MYO7A: variants seen among roughly 807,000 people sequenced by gnomAD.
MYO7A encodes the protein myosin VIIA.
In MYO7A, 210 loss-of-function variants were observed where a neutral mutation model predicts 263.8. The ratio of observed to expected loss-of-function variants is 0.80; its 90% CI spans 0.71 to 0.89. The LOEUF is 0.89. Among genes scored for constraint, MYO7A ranks in the 40% least tolerant of loss-of-function variants. MYO7A has a pLI of 0.00. For synonymous variants in MYO7A, 1,239 were observed against 1,197.3 expected, an observed-to-expected ratio of 1.03 and a Z score of -0.72; for missense variants, 2,820 against 2,968.3, an observed-to-expected ratio of 0.95 and a Z score of 1.16.
In MYO7A at chr11:77,189,616, C is replaced by T. The variant is rs559065101; in HGVS notation, c.3630+146C>T. 30 of 1,232,816 alleles carry T rather than the reference C, an allele frequency of 2.4e-5. 1 individual carries two copies. In the South Asian group the frequency reaches 4.2e-4, roughly 17 times the overall value. The allele number at this position is 1,232,816 out of a possible 1,614,324, so 76.4% of individuals were successfully genotyped here. A position where few individuals can be genotyped will look rare whatever the true frequency, so the allele number is the denominator to read the frequency against. ...TTACTGAGCCCCATCTTCCTGGCAC[C>T]CCCTCCTCTCAGGCAGCCACCTCTT... On this transcript the variant is annotated intron_variant, in intron 28 of 48. Coordinates refer to ENST00000409709, the MANE Select transcript of MYO7A (RefSeq NM_000260.4).
intron 3 of MYO7A, among the ~76,000 whole-genome samples, chr11:77,144,085 TG>T (rs1555052383): frequency 6.6e-6 from 1 of 152,174 alleles, no homozygotes; most frequent in African/African-American, 2.4e-5. Flanking sequence ...GTGATGGTGC[TG>T]GGATTAGAAC....
chr11:77,137,641 A>G (rs1950957249), intron 2 of MYO7A, among the ~76,000 whole-genome samples: 1 of 152,146 alleles, frequency 6.6e-6, no homozygotes, highest in African/African-American at 2.4e-5. Flanking sequence ...TGTGGCTGCT[A>G]GGACACAGGA....
intron 4 of MYO7A, among the ~76,000 whole-genome samples, chr11:77,151,759 G>T (rs1555057301): frequency 6.6e-6 from 1 of 152,246 alleles, no homozygotes; most frequent in African/African-American, 2.4e-5. Flanking sequence ...CTAAGACCTT[G>T]GAGGACCGAT....
chr11:77,208,080 G>C (rs960492096), intron 42 of MYO7A, among the ~76,000 whole-genome samples: 2 of 152,220 alleles, frequency 1.3e-5, no homozygotes, highest in Non-Finnish European at 2.9e-5. Context: ...ACCCCAATGA[G>C]GTCCTAGACC....
chr11:77,160,356 G>A, intron 11 of MYO7A, 74 bp downstream of exon 11: 3 of 1,502,398 alleles, frequency 2.0e-6, no homozygotes, highest in South Asian at 2.5e-5. Flanking sequence ...CAGGTGCCAA[G>A]GAGTCCTGGG....
chr11:77,192,169 A>G lies in MYO7A; in HGVS notation c.4043A>G (p.Lys1348Arg), dbSNP rs1956139913. 2 of 1,613,896 alleles carry G rather than the reference A, an allele frequency of 1.2e-6. No individual in the cohort carries two copies. The change falls in exon 31 of 49, where the codon AAA becomes AGA. Residue 1348 changes from lysine (K) to arginine (R), a missense_variant. Coordinates refer to ENST00000409709, the MANE Select transcript of MYO7A (RefSeq NM_000260.4). ...RNAPWRLFFR[K>R]EVFTPWHSPS... ...GCCCCCTGGAGGCTCTTCTTCCGCAAAGAGGTCTTCACGCCCTGGCACAGC... is the reference window on the plus strand; with the variant it reads ...GCCCCCTGGAGGCTCTTCTTCCGCAGAGAGGTCTTCACGCCCTGGCACAGC...
intron 1 of MYO7A, among the ~76,000 whole-genome samples, chr11:77,128,853 G>T (rs1950683463): frequency 6.6e-6 from 1 of 152,148 alleles, no homozygotes; most frequent in African/African-American, 2.4e-5. Context: ...CTTTATCTCC[G>T]TTTTTGGATA....
intron 15 of MYO7A, among the ~76,000 whole-genome samples, chr11:77,172,516 G>A (rs189257478): frequency 5.9e-4 from 90 of 152,236 alleles, no homozygotes; most frequent in African/African-American, 2.0e-3. Context: ...CTTCCCCCTC[G>A]CCCAGAGGTG....
intron 19 of MYO7A, 127 bp from the exon 20 acceptor site, chr11:77,178,918 C>T (rs879962299): frequency 7.1e-6 from 5 of 700,490 alleles, no homozygotes; most frequent in Non-Finnish European, 1.0e-5. Context: ...AAGTTATGTG[C>T]CTTGCCCAAG....
chr11:77,146,702 C>T (rs1951592075), intron 3 of MYO7A, among the ~76,000 whole-genome samples: 1 of 151,992 alleles, frequency 6.6e-6, no homozygotes, highest in Non-Finnish European at 1.5e-5. Flanking sequence ...AGTCTCAGGG[C>T]CTGAGCTGGG....
chr11:77,178,993 T>C, intron 19 of MYO7A, 52 bp from the exon 20 acceptor site: 1 of 1,482,576 alleles, frequency 6.7e-7, no homozygotes. Context: ...AACCCACCTG[T>C]ACCCTGGCTG....
Position 77,194,430 on chromosome 11 carries a change from T to C in MYO7A, c.4229T>C (p.Leu1410Pro). 1.2e-6 allele frequency: 2 copies of C among 1,611,974 alleles called. No homozygotes were observed. Among genetic ancestry groups the C allele is most frequent in the Non-Finnish European group, 1.7e-6 (2 of 1,179,086 alleles). Residue 1410 changes from leucine to proline, a missense_variant, in exon 32 of 49, where the codon CTG becomes CCG. Coordinates refer to ENST00000409709, the MANE Select transcript of MYO7A (RefSeq NM_000260.4). The part of the protein sequence containing the change: ...YGSEMILERL[L>P]NLVPTYIPDR... ...TCTGAGATGATCCTGGAGCGCCTCCTGAACCTCGTGCCCACCTACATCCCC... is the reference window on the plus strand; with the variant it reads ...TCTGAGATGATCCTGGAGCGCCTCCCGAACCTCGTGCCCACCTACATCCCC...
intron 22 of MYO7A, 133 bp downstream of exon 22, chr11:77,180,614 C>T (rs981495875): frequency 4.7e-5 from 35 of 744,992 alleles, no homozygotes; most frequent in Non-Finnish European, 6.8e-5. Context: ...TAGACCCACT[C>T]AGCCAGCATT....
In MYO7A at chr11:77,138,457, C is replaced by A. The variant is rs960270747; in HGVS notation, c.19-4252C>A. 1.3e-5 allele frequency among the ~76,000 whole-genome samples: 2 copies of A among 152,102 alleles called. No homozygotes were observed. Among genetic ancestry groups the A allele is most frequent in the Non-Finnish European group, 2.9e-5 (2 of 67,988 alleles). On this transcript the variant is annotated intron_variant, in intron 2 of 48. Coordinates refer to ENST00000409709, the MANE Select transcript of MYO7A (RefSeq NM_000260.4). The surrounding 1 kb of genome is among the most constrained non-coding windows in gnomAD (Gnocchi z 4.9). ...AGGAGGGGAGAAGGGAGGGGGAGGG[C>A]GCCTCGCCCCGGGCCTCAGTTTCCC...
intron 21 of MYO7A, 132 bp downstream of exon 21, chr11:77,180,085 C>T: frequency 1.0e-6 from 1 of 988,538 alleles, no homozygotes; most frequent in Non-Finnish European, 1.5e-6. Context: ...CTGAGGAGTG[C>T]ACATACCTGG....
chr11:77,167,261 C>T (rs184239168), intron 15 of MYO7A, among the ~76,000 whole-genome samples: 4 of 152,176 alleles, frequency 2.6e-5, no homozygotes, highest in Non-Finnish European at 5.9e-5. Flanking sequence ...CTCTGGGAAC[C>T]GGGGACAGAG....
At chr11:77,140,823 TTC>T (rs1389512386) in intron 2 of MYO7A, among the ~76,000 whole-genome samples, 5 of 152,308 alleles carry the variant, frequency 3.3e-5, no homozygotes, top group African/African-American at 9.6e-5. Flanking sequence ...TCTCCAATTT[TTC>T]TTACTTTTTC....
intron 20 of MYO7A, 61 bp downstream of exon 20, chr11:77,179,190 T>C: frequency 6.1e-6 from 9 of 1,472,086 alleles, no homozygotes; most frequent in Non-Finnish European, 8.4e-6. Context: ...CTTGCTGCCA[T>C]GGCAGTGGGA....
In MYO7A at chr11:77,158,273, C is replaced by G; in HGVS notation, c.850-4C>G. ...GCACCCCACTCTCCCACCCTGCCCA[C>G]CAGGGTAACTGCATAACCTGTGAGG... On this transcript the variant is annotated splice_region_variant and splice_polypyrimidine_tract_variant and intron_variant, in intron 8 of 48. Transcript: ENST00000409709. 1.3e-6 allele frequency: 2 copies of G among 1,590,562 alleles called. No homozygotes were observed. The highest frequency in any genetic ancestry group is 4.5e-5 in the East Asian group (2 of 44,188).
Sources: allele counts gnomAD v4.1 joint callset (sites outside exome capture counted in the v4.1 genomes callset), GRCh38; gene constraint gnomAD v4.1.1; non-coding constraint Gnocchi (gnomAD v3.1); transcripts MANE v1.5; gene names NCBI Gene and HGNC (gene_info 2026-07-23, HGNC 2026-07-21).